Variants in IQGAP2 observed in about 807,000 individuals in gnomAD.
The protein encoded by IQGAP2 is IQ motif containing GTPase activating protein 2, also known as ras GTPase-activating-like protein IQGAP2.
In IQGAP2, 173 loss-of-function variants were observed where a neutral mutation model predicts 201.3. That is an observed-to-expected ratio of 0.86 (90% CI 0.76 to 0.98). IQGAP2 has a LOEUF of 0.98. IQGAP2 is among the 50% of genes least tolerant of loss of function. The pLI is 0.00. For synonymous variants in IQGAP2, 675 were observed against 673.9 expected (o/e 1.00, Z -0.03); for missense variants, 1,687 against 1,864.8 (o/e 0.90, Z 1.76).
At chr5:76,479,920 A>G (rs1434036057) in intron 2 of IQGAP2, among the ~76,000 whole-genome samples, 1 of 152,022 alleles carries the variant, frequency 6.6e-6, no homozygotes, top group Admixed American at 6.6e-5. Context: ...TAGAAGGAAG[A>G]AGTAGATGGA....
intron 13 of IQGAP2, chr5:76,617,989 G>A: frequency 6.2e-7 from 1 of 1,614,138 alleles, no homozygotes; most frequent in Non-Finnish European, 8.5e-7. Flanking sequence ...GTGATGTCTG[G>A]CTGAACAAGA....
At chr5:76,410,572 T>C (rs1223034702) in intron 1 of IQGAP2, among the ~76,000 whole-genome samples, 1 of 152,212 alleles carries the variant, frequency 6.6e-6, no homozygotes, top group Non-Finnish European at 1.5e-5. Context: ...GGCTGTCTTT[T>C]GGATGAACAG....
In IQGAP2 at chr5:76,417,801, T is replaced by G. The variant is rs550168243; in HGVS notation, c.46+14210T>G. Among the ~76,000 whole-genome samples, 361 of 151,538 alleles carry G rather than the reference T, an allele frequency of 2.4e-3. 1 individual carries two copies. The highest frequency in any genetic ancestry group is 7.9e-3 in the African/African-American group (328 of 41,314). On this transcript the variant is annotated intron_variant, in intron 1 of 35. Coordinates refer to ENST00000274364, the MANE Select transcript of IQGAP2 (RefSeq NM_006633.5). ...TTCGCCATGTTGCCCAGGCTGGTCT[T>G]GAACTCCTGAGCTCAAGTGATCCGC...
chr5:76,616,859 A>C (rs947709592), intron 13 of IQGAP2: 6 of 152,234 alleles, frequency 3.9e-5, no homozygotes, highest in African/African-American at 1.4e-4. Context: ...TCTCTATTAA[A>C]AAAAGGAAAA....
At chr5:76,410,518 G>A (rs1039342750) in intron 1 of IQGAP2, among the ~76,000 whole-genome samples, 1 of 152,198 alleles carries the variant, frequency 6.6e-6, no homozygotes, top group African/African-American at 2.4e-5. Context: ...TTGGTGCCCT[G>A]TCTGCTGGCT....
In IQGAP2 at chr5:76,403,360, C is replaced by T. The variant is rs973904986; in HGVS notation, c.-186C>T. 3 of 414,364 alleles carry T rather than the reference C, an allele frequency of 7.2e-6. No homozygotes were observed. The highest frequency in any genetic ancestry group is 1.3e-5 in the Non-Finnish European group (3 of 239,192). 25.7% of individuals were successfully genotyped at this position (414,364 alleles called of 1,614,324 possible). A position where few individuals can be genotyped will look rare whatever the true frequency, so the allele number is the denominator to read the frequency against. ...GTTCACTTTTACTTCAGTGTCAGCGCGCGGCGGCCGTGGCTGGCTCTGGCG... is the reference window on the plus strand; with the variant it reads ...GTTCACTTTTACTTCAGTGTCAGCGTGCGGCGGCCGTGGCTGGCTCTGGCG... On this transcript the variant is annotated 5_prime_UTR_variant, in exon 1 of 36. Transcript: ENST00000274364. This position sits in a 1 kb window ranked among gnomAD's most constrained non-coding sequence, Gnocchi z 4.8.
chr5:76,436,660 A>G (rs151320021), intron 1 of IQGAP2, among the ~76,000 whole-genome samples: 5,611 of 147,442 alleles, frequency 0.038, 364 homozygotes, highest in African/African-American at 0.13. Context: ...CCTCCTGAGT[A>G]GCTAGGACTA....
chr5:76,454,141 G>A (rs1435616454), intron 1 of IQGAP2, among the ~76,000 whole-genome samples: 1 of 152,020 alleles, frequency 6.6e-6, no homozygotes, highest in Non-Finnish European at 1.5e-5. Context: ...AGGAATCATT[G>A]CCTATAATTC....
intron 4 of IQGAP2, among the ~76,000 whole-genome samples, chr5:76,571,482 G>T (rs1561473125): frequency 6.6e-6 from 1 of 152,160 alleles, no homozygotes; most frequent in Non-Finnish European, 1.5e-5. Flanking sequence ...ACCATGCCCG[G>T]CGTATAAATT....
At chr5:76,532,125 C>A (rs140927291) in intron 2 of IQGAP2, among the ~76,000 whole-genome samples, 1 of 152,336 alleles carries the variant, frequency 6.6e-6, no homozygotes, top group East Asian at 1.9e-4. Context: ...GCATTCAGTT[C>A]ATTGCGGGCA....
At chr5:76,591,628 T>C (rs780297655) in intron 8 of IQGAP2, among the ~76,000 whole-genome samples, 5 of 152,210 alleles carry the variant, frequency 3.3e-5, no homozygotes, top group Non-Finnish European at 5.9e-5. Context: ...CACTAGCTTA[T>C]GTGCGTCCTT....
intron 22 of IQGAP2, among the ~76,000 whole-genome samples, 178 bp downstream of exon 22, chr5:76,665,353 A>G (rs990887680): frequency 6.6e-6 from 1 of 152,184 alleles, no homozygotes; most frequent in African/African-American, 2.4e-5. Context: ...AATTCTTACC[A>G]TAACCCTGGG....
chr5:76,456,703 T>A (rs1754106781), intron 1 of IQGAP2, among the ~76,000 whole-genome samples: 1 of 152,204 alleles, frequency 6.6e-6, no homozygotes, highest in African/African-American at 2.4e-5. Flanking sequence ...GATGGTTCAA[T>A]GAACAATTGA....
Position 76,637,017 on chromosome 5 carries a change from C to A in IQGAP2, c.1781-17C>A, listed in dbSNP as rs1751185702. The A allele has an allele frequency of 6.3e-7, 1 of 1,581,504 alleles. No homozygotes were observed. The highest frequency in any genetic ancestry group is 1.4e-5 in the African/African-American group (1 of 73,286). ...TTCACTGTGTCTGTGTAGAATTTAACAAACTTTTTTCTTTAGTGTCTAGTG... is the reference window on the plus strand; with the variant it reads ...TTCACTGTGTCTGTGTAGAATTTAAAAAACTTTTTTCTTTAGTGTCTAGTG... On this transcript the variant is annotated splice_polypyrimidine_tract_variant and intron_variant, in intron 15 of 35. Coordinates refer to ENST00000274364, the MANE Select transcript of IQGAP2 (RefSeq NM_006633.5).
At chr5:76,570,558 T>C in intron 3 of IQGAP2, 22 bp from the exon 4 acceptor site, 2 of 1,572,380 alleles carry the variant, frequency 1.3e-6, no homozygotes, top group East Asian at 4.5e-5. Context: ...CTCTCCCTTT[T>C]TCCCTCCTAT....
At chr5:76,416,971 G>A (rs977071622) in intron 1 of IQGAP2, among the ~76,000 whole-genome samples, 1 of 152,090 alleles carries the variant, frequency 6.6e-6, no homozygotes, top group Non-Finnish European at 1.5e-5. Context: ...TGGGACCATA[G>A]GCATGCACCG....
chr5:76,683,893 T>C lies in IQGAP2; in HGVS notation c.3881T>C (p.Ile1294Thr), dbSNP rs1356876846. Residue 1294 changes from isoleucine to threonine, a missense_variant, in exon 30 of 36, where the codon ATA becomes ACA. Coordinates refer to ENST00000274364, the MANE Select transcript of IQGAP2 (RefSeq NM_006633.5). ...TATGACATAGAGGACGGTGAAGCTATAGATAGCCGAAGCCTCATGATAAAG... is the reference window on the plus strand; with the variant it reads ...TATGACATAGAGGACGGTGAAGCTACAGATAGCCGAAGCCTCATGATAAAG... ...SKYDIEDGEA[I>T]DSRSLMIKTK... The C allele has an allele frequency of 2.5e-6, 4 of 1,612,662 alleles. No individual in the cohort carries two copies. The highest frequency in any genetic ancestry group is 2.2e-5 in the East Asian group (1 of 44,828).
chr5:76,541,377 C>A (rs1466989644), intron 2 of IQGAP2, among the ~76,000 whole-genome samples: 1 of 152,104 alleles, frequency 6.6e-6, no homozygotes, highest in African/African-American at 2.4e-5. Flanking sequence ...CTTTTCGTGG[C>A]CAAATAACTT....
intron 13 of IQGAP2, chr5:76,617,751 A>C: frequency 6.2e-7 from 1 of 1,613,938 alleles, no homozygotes; most frequent in South Asian, 1.1e-5. Context: ...AATAAGAATA[A>C]TATTGCTTGG....
Sources: allele counts gnomAD v4.1 joint callset (sites outside exome capture counted in the v4.1 genomes callset), GRCh38; gene constraint gnomAD v4.1.1; non-coding constraint Gnocchi (gnomAD v3.1); transcripts MANE v1.5; gene names NCBI Gene and HGNC (gene_info 2026-07-23, HGNC 2026-07-21).